NUDT2: variants seen among roughly 807,000 people sequenced by gnomAD.
The protein encoded by NUDT2 is nudix hydrolase 2.
Under a neutral mutation model 14.2 loss-of-function variants are expected in NUDT2, and 12 were observed. The ratio of observed to expected loss-of-function variants is 0.84; its 90% CI spans 0.54 to 1.37. The LOEUF (loss-of-function observed/expected upper bound fraction) is 1.37, where lower values mean the gene tolerates loss of function less well. Ranked by LOEUF, NUDT2 falls within the 40% of genes most tolerant of loss-of-function variation. NUDT2 has a pLI of 0.00. For missense variants in NUDT2, 167 were observed against 176.7 expected (o/e 0.95, Z 0.31); for synonymous variants, 67 against 67.4 (o/e 0.99, Z 0.03).
At chr9:34,343,082 G>A (rs929799811) in intron 4 of NUDT2, 42 bp from the exon 5 acceptor site, 1 of 1,530,562 alleles carries the variant, frequency 6.5e-7, no homozygotes, top group Admixed American at 2.1e-5. Flanking sequence ...GGGAACTTTG[G>A]AAGATTTCCT....
intron 1 of NUDT2, among the ~76,000 whole-genome samples, chr9:34,334,440 T>G (rs1289454369): frequency 3.9e-5 from 6 of 152,216 alleles, no homozygotes; most frequent in Non-Finnish European, 8.8e-5. Flanking sequence ...GATGCTGTGT[T>G]CCTTAACCCC....
In NUDT2 at chr9:34,343,648, C is replaced by T. The variant is rs866923819; in HGVS notation, c.*208C>T. ...GCAAAAGAGTAAAAATTAAAAAGGC[C>T]AGGCCCAGTAAGTGTACCTTGTACT... is the stretch of plus-strand genomic sequence containing the variant. On this transcript the variant is annotated 3_prime_UTR_variant, in exon 5 of 5. Coordinates refer to ENST00000379158, the MANE Select transcript of NUDT2 (RefSeq NM_001161.5). The T allele has an allele frequency of 3.0e-5, 16 of 539,020 alleles. No homozygotes were observed. In the African/African-American group the frequency reaches 3.0e-4, roughly 10 times the overall value. 33.4% of individuals were successfully genotyped at this position (539,020 alleles called of 1,614,324 possible).
intron 1 of NUDT2, among the ~76,000 whole-genome samples, chr9:34,335,789 A>G (rs190149118): frequency 7.7e-4 from 117 of 152,300 alleles, no homozygotes; most frequent in Non-Finnish European, 1.4e-3. Context: ...ATACACTGGC[A>G]TCCACTGAAA....
chr9:34,336,508 C>T (rs753828025), intron 2 of NUDT2, among the ~76,000 whole-genome samples, 167 bp downstream of exon 2: 8 of 152,140 alleles, frequency 5.3e-5, no homozygotes, highest in Non-Finnish European at 1.2e-4. Context: ...ATTTTTCTTA[C>T]AAGCAGTACA....
rs1227159624 is a variant in NUDT2 at position 34,343,212 on chromosome 9, T to C, written c.216T>C (p.Ile72=). 1.2e-6 allele frequency: 2 copies of C among 1,613,974 alleles called. No individual in the cohort carries two copies. Among genetic ancestry groups the C allele is most frequent in the South Asian group, 1.1e-5 (1 of 91,074 alleles). ...GCATAGAAGCAGGCCAGCTGACCAT[T>C]ATTGAGGGGTTCAAAAGGGAACTCA... The part of the protein sequence containing the change: ...EAGIEAGQLT[I]IEGFKRELNY... The change falls in exon 5 of 5, where the codon ATT becomes ATC. Residue 72 remains isoleucine, a synonymous_variant. Coordinates refer to ENST00000379158, the MANE Select transcript of NUDT2 (RefSeq NM_001161.5).
At chr9:34,335,623 C>G (rs1404743179) in intron 1 of NUDT2, among the ~76,000 whole-genome samples, 2 of 152,178 alleles carry the variant, frequency 1.3e-5, no homozygotes, top group Admixed American at 6.5e-5. Flanking sequence ...TCAAGCCAAG[C>G]AATTGAAAGA....
In NUDT2 at chr9:34,343,194, A is replaced by G; in HGVS notation, c.198A>G (p.Glu66=). The G allele has an allele frequency of 6.2e-7, 1 of 1,614,120 alleles. No homozygotes were observed. The highest frequency in any genetic ancestry group is 8.5e-7 in the Non-Finnish European group (1 of 1,180,022). Residue 66 remains glutamate (E), a synonymous_variant, in exon 5 of 5, where the codon GAA becomes GAG. Transcript: ENST00000379158. ...LRETQEEAGI[E]AGQLTIIEGF... ...AGACCCAAGAGGAAGCAGGCATAGA[A>G]GCAGGCCAGCTGACCATTATTGAGG...
chr9:34,331,334 C>A (rs1346473904), intron 1 of NUDT2, among the ~76,000 whole-genome samples: 1 of 152,184 alleles, frequency 6.6e-6, no homozygotes, highest in Non-Finnish European at 1.5e-5. Context: ...ATGTCAGACC[C>A]TCTATATATG....
In NUDT2 at chr9:34,343,267, G is replaced by A; in HGVS notation, c.271G>A (p.Val91Ile). The change falls in exon 5 of 5, where the codon GTC becomes ATC. Residue 91 changes from valine to isoleucine, a missense_variant. Val to Ile is a conservative substitution (Grantham distance 29). Transcript: ENST00000379158. ...TGTGGCCAGGAACAAGCCTAAAACA[G>A]TCATTTACTGGCTGGCGGAGGTGAA... The part of the protein sequence containing the change: ...NYVARNKPKT[V>I]IYWLAEVKDY... 1.9e-6 allele frequency: 3 copies of A among 1,614,092 alleles called. No individual in the cohort carries two copies. The highest frequency in any genetic ancestry group is 2.5e-6 in the Non-Finnish European group (3 of 1,180,016).
chr9:34,342,328 G>C (rs1249902071), intron 4 of NUDT2, among the ~76,000 whole-genome samples: 1 of 152,178 alleles, frequency 6.6e-6, no homozygotes, highest in Non-Finnish European at 1.5e-5. Flanking sequence ...TGGAATGTCA[G>C]GGTCCACCTG....
chr9:34,343,483 G>A lies in NUDT2; in HGVS notation c.*43G>A. 6.7e-7 allele frequency: 1 copy of A among 1,492,948 alleles called. No homozygotes were observed. The highest frequency in any genetic ancestry group is 1.4e-5 in the South Asian group (1 of 72,964). 92.5% of individuals were successfully genotyped at this position (1,492,948 alleles called of 1,614,324 possible). A position where few individuals can be genotyped will look rare whatever the true frequency, so the allele number is the denominator to read the frequency against. ...CATTTGCTTCAGCAGGATCCTTGTG[G>A]GCCTTCTAAGATGAAGCCACCCTCA... On this transcript the variant is annotated 3_prime_UTR_variant, in exon 5 of 5. Coordinates refer to ENST00000379158, the MANE Select transcript of NUDT2 (RefSeq NM_001161.5).
chr9:34,339,539 T>C (rs1838182432), intron 4 of NUDT2, among the ~76,000 whole-genome samples: 1 of 152,164 alleles, frequency 6.6e-6, no homozygotes, highest in East Asian at 1.9e-4. Flanking sequence ...AAACAAGGGC[T>C]TGACTAGAAA....
intron 1 of NUDT2, among the ~76,000 whole-genome samples, chr9:34,335,420 T>C (rs1838066786): frequency 6.6e-6 from 1 of 152,208 alleles, no homozygotes. Context: ...AATAAATCTT[T>C]AGTTTTCTGT....
intron 2 of NUDT2, among the ~76,000 whole-genome samples, chr9:34,336,646 A>G (rs892487112): frequency 1.3e-5 from 2 of 152,070 alleles, no homozygotes; most frequent in Non-Finnish European, 2.9e-5. Flanking sequence ...GGCTCAAGCA[A>G]TCTTCCCACG....
intron 4 of NUDT2, 143 bp downstream of exon 4, chr9:34,339,309 C>T (rs1277000581): frequency 2.1e-6 from 2 of 940,514 alleles, no homozygotes; most frequent in East Asian, 2.6e-5. Flanking sequence ...ACCCTTTCTA[C>T]ATACAAGGTC....
In NUDT2 at chr9:34,338,706, G is replaced by A. The variant is rs1006276540; in HGVS notation, c.-151-7G>A. The A allele has an allele frequency of 5.6e-6, 1 of 178,950 alleles. No individual in the cohort carries two copies. The highest frequency in any genetic ancestry group is 1.2e-5 in the Non-Finnish European group (1 of 84,382). 11.1% of individuals were successfully genotyped at this position (178,950 alleles called of 1,614,324 possible). On this transcript the variant is annotated splice_polypyrimidine_tract_variant and splice_region_variant and intron_variant, in intron 2 of 4. Coordinates refer to ENST00000379158, the MANE Select transcript of NUDT2 (RefSeq NM_001161.5). The stretch of plus-strand genomic sequence containing the variant: ...CTCTCCCATTCCCAACATCTCTCTT[G>A]TTTCAGTGCGTTTGCTTCTGAGGAT...
intron 1 of NUDT2, among the ~76,000 whole-genome samples, chr9:34,335,169 G>T (rs1411086301): frequency 6.6e-6 from 1 of 152,208 alleles, no homozygotes; most frequent in Non-Finnish European, 1.5e-5. Context: ...GAGTCACTGA[G>T]CTTGGGACCA....
At chr9:34,341,088 A>T (rs770401930) in intron 4 of NUDT2, among the ~76,000 whole-genome samples, 6 of 152,230 alleles carry the variant, frequency 3.9e-5, no homozygotes, top group African/African-American at 1.4e-4. Flanking sequence ...TTTGAGTTGT[A>T]CTGGGGAGAA....
At chr9:34,334,546 A>C (rs1259747765) in intron 1 of NUDT2, among the ~76,000 whole-genome samples, 2 of 151,936 alleles carry the variant, frequency 1.3e-5, no homozygotes, top group African/African-American at 4.8e-5. Context: ...AAAACAGAAA[A>C]CCCCCAACAA....
Sources: gnomAD v4.1 joint callset for allele counts (sites outside exome capture counted in the v4.1 genomes callset) on GRCh38, gnomAD v4.1.1 for gene constraint, MANE v1.5 for transcripts, NCBI Gene and HGNC (gene_info 2026-07-23, HGNC 2026-07-21) for gene names.